The following PCCB variants were observed in gnomAD, a reference collection of about 807,000 sequenced individuals.
PCCB encodes the protein propionyl-CoA carboxylase subunit beta.
A neutral mutation model predicts 60.7 loss-of-function variants in PCCB; 43 were observed. The ratio of observed to expected loss-of-function variants is 0.71; its 90% CI spans 0.55 to 0.91. The LOEUF (loss-of-function observed/expected upper bound fraction) is 0.91, where lower values mean the gene tolerates loss of function less well. Ranked by LOEUF, PCCB falls within the 40% of genes least tolerant of loss-of-function variation. The probability of loss-of-function intolerance (pLI) is 0.00; values close to 1 mark genes in which losing one functional copy is unlikely to be tolerated. For synonymous variants in PCCB, 276 were observed against 255.9 expected, an observed-to-expected ratio of 1.08 and a Z score of -0.75; for missense variants, 766 against 702.8, an observed-to-expected ratio of 1.09 and a Z score of -1.02.
At chr3:136,266,131 G>GTTT (rs757902404) in intron 5 of PCCB, among the ~76,000 whole-genome samples, 144 of 124,928 alleles carry the variant, frequency 1.2e-3, no homozygotes, top group African/African-American at 3.8e-3. Context: ...CCCAGCCTTG[G>GTTT]TTTTTTTTTT....
Position 136,326,821 on chromosome 3 carries a change from C to T in PCCB, c.1109C>T (p.Ser370Leu). 6.2e-7 allele frequency: 1 copy of T among 1,606,500 alleles called. No individual in the cohort carries two copies. The highest frequency in any genetic ancestry group is 1.7e-4 in the Middle Eastern group (1 of 6,046). Residue 370 changes from serine (S) to leucine (L), a missense_variant, in exon 11 of 15, where the codon TCA (serine) becomes TTA (leucine). Ser to Leu is a moderately radical substitution (Grantham distance 145, BLOSUM62 -2). Coordinates refer to ENST00000251654, the MANE Select transcript of PCCB (RefSeq NM_000532.5). ...TTTCTAGGATGCTTGGATATTAATT[C>T]ATCTGTGAAAGGGGCTCGTTTTGTC... is the stretch of plus-strand genomic sequence containing the variant. ...KVASGCLDIN[S>L]SVKGARFVRF...
In PCCB at chr3:136,267,892, A is replaced by G. The variant is rs371209956; in HGVS notation, c.543+5827A>G. Among the ~76,000 whole-genome samples, 240 of 149,890 alleles carry G rather than the reference A, an allele frequency of 1.6e-3. 2 individuals carry two copies. Among genetic ancestry groups the G allele is most frequent in the African/African-American group, 5.5e-3 (225 of 40,932 alleles). On this transcript the variant is annotated intron_variant, in intron 5 of 14. Transcript: ENST00000251654. ...TGTCATATGTAAAAACTTGTAATAC[A>G]AAGTCATGAAGATTTTGTTTTCTTC...
intron 7 of PCCB, among the ~76,000 whole-genome samples, chr3:136,294,320 C>A (rs184029848): frequency 6.6e-6 from 1 of 151,144 alleles, no homozygotes; most frequent in East Asian, 1.9e-4. Context: ...TTGTTAACTT[C>A]TTTTTTTTTG....
intron 5 of PCCB, among the ~76,000 whole-genome samples, chr3:136,269,885 C>CACAAA (rs1942142300): frequency 4.9e-5 from 3 of 60,658 alleles, no homozygotes; most frequent in African/African-American, 1.9e-4. Context: ...GACTCTGTCT[C>CACAAA]AAAAAAAAAA....
chr3:136,291,913 T>C (rs1354765631), intron 6 of PCCB, among the ~76,000 whole-genome samples: 4 of 152,190 alleles, frequency 2.6e-5, no homozygotes, highest in African/African-American at 4.8e-5. Context: ...TGGCCGGCCC[T>C]GGAGTCTTGA....
intron 5 of PCCB, among the ~76,000 whole-genome samples, chr3:136,272,245 T>C (rs1181237917): frequency 2.0e-5 from 3 of 152,218 alleles, no homozygotes; most frequent in Non-Finnish European, 4.4e-5. Context: ...TTTGATGTGC[T>C]GTGGGATTTG....
At chr3:136,310,587 G>C (rs1934625243) in intron 9 of PCCB, among the ~76,000 whole-genome samples, 1 of 152,152 alleles carries the variant, frequency 6.6e-6, no homozygotes, top group Non-Finnish European at 1.5e-5. Context: ...GGGCCAAATA[G>C]TCCTAGTGCC....
intron 3 of PCCB, among the ~76,000 whole-genome samples, chr3:136,259,755 T>C (rs570754548): frequency 6.6e-6 from 1 of 152,292 alleles, no homozygotes; most frequent in African/African-American, 2.4e-5. Flanking sequence ...AAAAACTATA[T>C]GTATGTATTT....
intron 8 of PCCB, 120 bp downstream of exon 8, chr3:136,298,192 C>G: frequency 8.1e-7 from 1 of 1,227,242 alleles, no homozygotes; most frequent in Non-Finnish European, 1.2e-6. Context: ...GGTAGAGTGG[C>G]TCCCAGGTGT....
intron 10 of PCCB, among the ~76,000 whole-genome samples, chr3:136,325,694 G>T (rs923221470): frequency 1.3e-5 from 2 of 151,768 alleles, no homozygotes; most frequent in East Asian, 1.9e-4. Context: ...ATTTTTTCAG[G>T]TATTTTCTCT....
At chr3:136,322,848 T>C (rs1028290622) in intron 10 of PCCB, among the ~76,000 whole-genome samples, 1 of 152,196 alleles carries the variant, frequency 6.6e-6, no homozygotes, top group Admixed American at 6.5e-5. Flanking sequence ...TTCTCTCATT[T>C]TTGAAGGACA....
chr3:136,287,326 ATGT>A lies in PCCB; in HGVS notation c.654+3384_654+3386del, dbSNP rs1372444460. Among the ~76,000 whole-genome samples the A allele has an allele frequency of 4.0e-5, 6 of 151,702 alleles. No individual in the cohort carries two copies. The South Asian group carries it at 1.0e-3, about 26-fold the overall frequency. The stretch of plus-strand genomic sequence containing the variant: ...TTGTGTGCATGGCTTCTGGCTCATT[ATGT>A]TGTTAAGATTTATCTATGTTGTTCT... On this transcript the variant is annotated intron_variant, in intron 6 of 14. Transcript: ENST00000251654.
chr3:136,323,807 C>CAAAA (rs752634366), intron 10 of PCCB, among the ~76,000 whole-genome samples: 6 of 91,240 alleles, frequency 6.6e-5, no homozygotes, highest in African/African-American at 1.9e-4. Context: ...CAAAACATCT[C>CAAAA]AAAAAAAAAA....
chr3:136,284,871 G>T (rs530942224), intron 6 of PCCB, among the ~76,000 whole-genome samples: 36 of 152,212 alleles, frequency 2.4e-4, no homozygotes, highest in Admixed American at 2.1e-3. Flanking sequence ...TGGATCACTT[G>T]AGCTCAGGAG....
chr3:136,257,662 C>T (rs957989413), intron 3 of PCCB, among the ~76,000 whole-genome samples: 3 of 152,084 alleles, frequency 2.0e-5, no homozygotes, highest in African/African-American at 7.2e-5. Context: ...ATTGGCTAGG[C>T]GTGGTGGCTC....
chr3:136,269,815 G>A (rs182132908), intron 5 of PCCB, among the ~76,000 whole-genome samples: 95 of 151,444 alleles, frequency 6.3e-4, no homozygotes, highest in African/African-American at 2.3e-3. Context: ...GAACCCGGGA[G>A]GCGGAGCCTG....
intron 8 of PCCB, among the ~76,000 whole-genome samples, chr3:136,300,177 T>A (rs1275304161): frequency 6.0e-4 from 91 of 152,194 alleles, no homozygotes; most frequent in Middle Eastern, 3.4e-3. Flanking sequence ...TATGTATATG[T>A]GTATATATGT....
chr3:136,269,334 C>A (rs577561989), intron 5 of PCCB, among the ~76,000 whole-genome samples: 1 of 152,234 alleles, frequency 6.6e-6, no homozygotes, highest in South Asian at 2.1e-4. Flanking sequence ...TATTTGGATT[C>A]TTTGCAAATG....
intron 9 of PCCB, among the ~76,000 whole-genome samples, chr3:136,308,555 A>G (rs537166040): frequency 2.8e-4 from 42 of 152,240 alleles, no homozygotes; most frequent in Non-Finnish European, 5.1e-4. Flanking sequence ...GACAAAAGTA[A>G]TAATTTAGGA....
Sources: gnomAD v4.1 joint callset for allele counts (sites outside exome capture counted in the v4.1 genomes callset) on GRCh38, gnomAD v4.1.1 for gene constraint, MANE v1.5 for transcripts, NCBI Gene and HGNC (gene_info 2026-07-23, HGNC 2026-07-21) for gene names.